Variants in PHTF2 observed in about 807,000 individuals in gnomAD.
PHTF2 encodes protein PHTF2.
In PHTF2, 60 loss-of-function variants were observed where a neutral mutation model predicts 101.2. The observed-to-expected ratio is 0.59, with a 90% CI of 0.48 to 0.73. The LOEUF is 0.73. Among genes scored for constraint, PHTF2 ranks in the 30% least tolerant of loss-of-function variants. PHTF2 has a pLI of 0.00. For missense variants in PHTF2, 747 were observed against 908.7 expected, an observed-to-expected ratio of 0.82 and a Z score of 2.29; for synonymous variants, 311 against 307.3, an observed-to-expected ratio of 1.01 and a Z score of -0.13.
intron 5 of PHTF2, among the ~76,000 whole-genome samples, chr7:77,897,573 T>A (rs757690346): frequency 6.6e-6 from 1 of 152,162 alleles, no homozygotes; most frequent in Non-Finnish European, 1.5e-5. Context: ...TTTAAACTGT[T>A]TAACAGTTCT....
exon 11 of PHTF2, chr7:77,922,678 C>T (rs1188107573): frequency 5.6e-6 from 9 of 1,610,690 alleles, no homozygotes; most frequent in Non-Finnish European, 7.6e-6. Flanking sequence ...GAGGAAGGTC[C>T]TGAAACAGGA....
At chr7:77,920,858 TG>T (rs1466674719) in intron 10 of PHTF2, among the ~76,000 whole-genome samples, 96 of 152,154 alleles carry the variant, frequency 6.3e-4, no homozygotes, top group African/African-American at 2.2e-3. Flanking sequence ...ATTTTTTTTT[TG>T]TTTTTTGTAG....
At chr7:77,893,509 G>T in intron 3 of PHTF2, 99 bp from the exon 3 acceptor site, 1 of 581,426 alleles carries the variant, frequency 1.7e-6, no homozygotes, top group Non-Finnish European at 3.1e-6. Flanking sequence ...AATCTAATCT[G>T]TGCTGAATGA....
chr7:77,866,537 A>G (rs1798079532), intron 3 of PHTF2, among the ~76,000 whole-genome samples: 1 of 152,068 alleles, frequency 6.6e-6, no homozygotes, highest in African/African-American at 2.4e-5. Context: ...AGGGCATGGA[A>G]TTGGAAGTCA....
Position 77,803,627 on chromosome 7 carries a change from C to A in PHTF2, c.-36+4656C>A, listed in dbSNP as rs191396419. 2.4e-3 allele frequency among the ~76,000 whole-genome samples: 358 copies of A among 151,524 alleles called. 3 individuals carry two copies. The highest frequency in any genetic ancestry group is 5.1e-3 in the Admixed American group (77 of 15,216). ...ATGTATGTAAAGCACTTGACATATT[C>A]TTGATTTCTAAGACTAGCTCAAAAA... On this transcript the variant is annotated intron_variant, in intron 1 of 19. Transcript: ENST00000416283.
intron 3 of PHTF2, among the ~76,000 whole-genome samples, chr7:77,869,744 A>AC (rs142936853): frequency 0.022 from 3,363 of 152,260 alleles, 52 homozygotes; most frequent in Middle Eastern, 0.068. Context: ...TCTTTTCAAT[A>AC]GTAGCCATTT....
At chr7:77,832,671 A>G (rs1349807730) in intron 1 of PHTF2, among the ~76,000 whole-genome samples, 3 of 152,106 alleles carry the variant, frequency 2.0e-5, no homozygotes, top group Non-Finnish European at 4.4e-5. Context: ...ATTATGGAAT[A>G]GACTGGACAT....
At chr7:77,871,050 T>A (rs1057223785) in intron 3 of PHTF2, among the ~76,000 whole-genome samples, 2 of 152,214 alleles carry the variant, frequency 1.3e-5, no homozygotes, top group African/African-American at 2.4e-5. Flanking sequence ...TGGTCGTAGC[T>A]GGTATTGATG....
At chr7:77,859,961 A>G (rs12535218) in intron 3 of PHTF2, among the ~76,000 whole-genome samples, 15,510 of 152,194 alleles carry the variant, frequency 0.1, 872 homozygotes, top group Middle Eastern at 0.12. Context: ...TTAAATAGAT[A>G]TTTGGGTTGT....
intron 3 of PHTF2, among the ~76,000 whole-genome samples, chr7:77,857,934 A>C (rs1183099073): frequency 6.6e-6 from 1 of 152,232 alleles, no homozygotes; most frequent in Non-Finnish European, 1.5e-5. Context: ...GGATTAAAAA[A>C]ATTCTCATGA....
chr7:77,866,955 C>T (rs1364167403), intron 3 of PHTF2, among the ~76,000 whole-genome samples: 1 of 152,120 alleles, frequency 6.6e-6, no homozygotes, highest in Non-Finnish European at 1.5e-5. Context: ...TTCCTTGTCA[C>T]ATGCTGCAAT....
At chr7:77,820,429 G>A (rs941376808) in intron 1 of PHTF2, among the ~76,000 whole-genome samples, 5 of 152,170 alleles carry the variant, frequency 3.3e-5, no homozygotes, top group Non-Finnish European at 7.3e-5. Flanking sequence ...ATAGCTCACT[G>A]TAACCTCAAA....
At chr7:77,856,736 G>A (rs1228144326) in intron 3 of PHTF2, among the ~76,000 whole-genome samples, 1 of 151,918 alleles carries the variant, frequency 6.6e-6, no homozygotes, top group Non-Finnish European at 1.5e-5. Flanking sequence ...ACTATTTACA[G>A]AACAGTTATA....
rs56005414 is a variant in PHTF2, at chr7:77,932,621, A to AGTGT, written c.1338+3327_1338+3330dup. Among the ~76,000 whole-genome samples the AGTGT allele has an allele frequency of 5.8e-3, 685 of 118,554 alleles. 7 individuals are homozygous for AGTGT. The highest frequency in any genetic ancestry group is 0.013 in the Middle Eastern group (3 of 226). The allele number at this position is 118,554 out of a possible 152,430, so 77.8% of individuals were successfully genotyped here. On this transcript the variant is annotated intron_variant, in intron 12 of 19. Transcript: ENST00000416283. ...GAGAGAAAGAGAGAGAGAGAGAGAG[A>AGTGT]GTGTGTGTGTGTGTGTGTGTGTGTG... is the stretch of plus-strand genomic sequence containing the variant.
At chr7:77,863,683 T>C (rs1209090299) in intron 3 of PHTF2, among the ~76,000 whole-genome samples, 1 of 152,090 alleles carries the variant, frequency 6.6e-6, no homozygotes, top group East Asian at 1.9e-4. Context: ...AGACTTTCTC[T>C]TTCCAAAAAA....
chr7:77,954,789 G>A, intron 19 of PHTF2, 69 bp from the exon 19 acceptor site: 1 of 824,484 alleles, frequency 1.2e-6, no homozygotes, highest in South Asian at 1.6e-5. Context: ...TAAAAATGGT[G>A]TTATATGATA....
At chr7:77,949,804 A>C (rs774917801) in exon 17 of PHTF2, 1 of 1,531,192 alleles carries the variant, frequency 6.5e-7, no homozygotes, top group East Asian at 2.3e-5. Flanking sequence ...TAAAAAATAT[A>C]GTAATACCTC....
rs975119972 is a variant in PHTF2, at chr7:77,900,594, C to T, written c.217-117C>T. 2.8e-5 allele frequency: 19 copies of T among 672,126 alleles called. No homozygotes were observed. In the South Asian group the frequency reaches 3.0e-4, roughly 11 times the overall value. 41.6% of individuals were successfully genotyped at this position (672,126 alleles called of 1,614,324 possible). A position where few individuals can be genotyped will look rare whatever the true frequency, so the allele number is the denominator to read the frequency against. On this transcript the variant is annotated intron_variant, in intron 5 of 19. Transcript: ENST00000416283. ...TTTGTAACAAATGCATAATGTGTTA[C>T]ATTTTGTTGGTACTATTAACAATTT...
At chr7:77,827,661 G>A (rs1584414944) in intron 1 of PHTF2, among the ~76,000 whole-genome samples, 2 of 146,868 alleles carry the variant, frequency 1.4e-5, no homozygotes, top group Admixed American at 1.4e-4. Flanking sequence ...CTTTTTTTTT[G>A]AGATGGAGTT....
Sources: gnomAD v4.1 joint callset for allele counts (sites outside exome capture counted in the v4.1 genomes callset) on GRCh38, gnomAD v4.1.1 for gene constraint, MANE v1.5 for transcripts, NCBI Gene and HGNC (gene_info 2026-07-23, HGNC 2026-07-21) for gene names.